Variants in CYP27C1 observed in about 807,000 individuals in gnomAD.
The protein encoded by CYP27C1 is cytochrome P450 27C1.
In CYP27C1, 29 loss-of-function variants were observed where a neutral mutation model predicts 40.6. The ratio of observed to expected loss-of-function variants is 0.71; its 90% CI spans 0.53 to 0.97. CYP27C1 has a LOEUF of 0.97. Ranked by LOEUF, CYP27C1 falls within the 50% of genes least tolerant of loss-of-function variation. The pLI, the probability that CYP27C1 is intolerant of heterozygous loss-of-function variation, is 0.00. For missense variants in CYP27C1, 390 were observed against 485.8 expected, an observed-to-expected ratio of 0.80 and a Z score of 1.85; for synonymous variants, 198 against 186.8, an observed-to-expected ratio of 1.06 and a Z score of -0.49.
At chr2:127,204,625 G>GAGAGAAAGAAAGAAAGA (rs1683183788) in intron 2 of CYP27C1, among the ~76,000 whole-genome samples, 1 of 94,216 alleles carries the variant, frequency 1.1e-5, no homozygotes, top group African/African-American at 4.2e-5. Context: ...AAGAAAGAAA[G>GAGAGAAAGAAAGAAAGA]AAGACTGCAG....
chr2:127,208,148 A>T lies in CYP27C1; in HGVS notation c.283-2058T>A, dbSNP rs1021991540. Among the ~76,000 whole-genome samples, 1 of 152,198 alleles carries T rather than the reference A, an allele frequency of 6.6e-6. No homozygotes were observed. The highest frequency in any genetic ancestry group is 2.4e-5 in the African/African-American group (1 of 41,462). ...AGAGGCTCCCATCAAAAAAAACATA[A>T]TAAGCATGTGAAACCTTCCCTGGCA... On this transcript the variant is annotated intron_variant, in intron 1 of 8. Transcript: ENST00000664447. This position sits in a 1 kb window ranked among gnomAD's most constrained non-coding sequence, Gnocchi z 5.2.
intron 1 of CYP27C1, among the ~76,000 whole-genome samples, chr2:127,211,369 G>GTTTTTTTTTTTTT (rs371826841): frequency 2.3e-4 from 22 of 94,938 alleles, no homozygotes; most frequent in African/African-American, 5.2e-4. Context: ...GTGTTTTTTT[G>GTTTTTTTTTTTTT]TTTTTTTTTT....
At chr2:127,189,847 C>T (rs1181194860) in intron 8 of CYP27C1, among the ~76,000 whole-genome samples, 3 of 152,178 alleles carry the variant, frequency 2.0e-5, no homozygotes, top group East Asian at 3.9e-4. Context: ...ATACATTCAG[C>T]CTGCCAACTG....
In CYP27C1 at chr2:127,187,729, G is replaced by T. The variant is rs73953279; in HGVS notation, c.1498-342C>A. 8.4e-3 allele frequency among the ~76,000 whole-genome samples: 1,276 copies of T among 152,292 alleles called. 10 individuals carry two copies. Among genetic ancestry groups the T allele is most frequent in the African/African-American group, 0.029 (1,202 of 41,552 alleles). ...TCCATTGCAGGTCTAGATGAAGAAG[G>T]CATCAAAGGAGCAGGGGGAAATGCG... On this transcript the variant is annotated intron_variant, in intron 8 of 8. Coordinates refer to ENST00000664447, the MANE Select transcript of CYP27C1 (RefSeq NM_001367502.1).
rs1006096127 is a variant in CYP27C1, at chr2:127,183,859, C to T, written c.*3412G>A. 2.6e-5 allele frequency among the ~76,000 whole-genome samples: 4 copies of T among 152,154 alleles called. No homozygotes were observed. The highest frequency in any genetic ancestry group is 1.3e-4 in the Admixed American group (2 of 15,276). The stretch of plus-strand genomic sequence containing the variant: ...TTGTTTCTGAAGGCATCTTTTATTA[C>T]GGAAATGTTCACACGTACACAAAGT... On this transcript the variant is annotated 3_prime_UTR_variant, in exon 9 of 9. Transcript: ENST00000664447. This position sits in a 1 kb window ranked among gnomAD's most constrained non-coding sequence, Gnocchi z 5.1.
At chr2:127,215,899 G>C (rs918649467) in intron 1 of CYP27C1, among the ~76,000 whole-genome samples, 7 of 151,956 alleles carry the variant, frequency 4.6e-5, no homozygotes, top group Non-Finnish European at 7.4e-5. Context: ...ACTGGACAAA[G>C]GATTTCAATG....
At chr2:127,193,906 C>T in intron 6 of CYP27C1, 39 bp from the exon 7 acceptor site, 2 of 1,608,794 alleles carry the variant, frequency 1.2e-6, no homozygotes, top group Non-Finnish European at 1.7e-6. Context: ...GGCGTGGTGA[C>T]TTTCACAGTA....
intron 2 of CYP27C1, among the ~76,000 whole-genome samples, chr2:127,204,552 AG>A (rs1558931361): frequency 5.3e-4 from 38 of 71,948 alleles, no homozygotes; most frequent in African/African-American, 1.9e-3. Flanking sequence ...AGAGAGAGAG[AG>A]AGAGAAAGAA....
intron 8 of CYP27C1, among the ~76,000 whole-genome samples, chr2:127,189,168 G>GCCCCCCCC (rs34707287): frequency 7.7e-5 from 10 of 129,194 alleles, no homozygotes; most frequent in African/African-American, 8.6e-5. Context: ...AAAAAACACT[G>GCCCCCCCC]CCCCCCCCCT....
At chr2:127,202,177 T>G (rs1683049546) in intron 3 of CYP27C1, among the ~76,000 whole-genome samples, 1 of 151,112 alleles carries the variant, frequency 6.6e-6, no homozygotes, top group Non-Finnish European at 1.5e-5. Flanking sequence ...CATGCTGGAG[T>G]ACAATTGTGT....
intron 1 of CYP27C1, among the ~76,000 whole-genome samples, chr2:127,213,881 A>G (rs1683379778): frequency 6.6e-6 from 1 of 152,236 alleles, no homozygotes; most frequent in Admixed American, 6.5e-5. Context: ...GGCAACCTAC[A>G]GAATGGGAGA....
At position 127,201,220 on chromosome 2, in the gene CYP27C1, G is replaced by T; in HGVS notation, c.785C>A (p.Thr262Asn). 1 of 1,613,780 alleles carries T rather than the reference G, an allele frequency of 6.2e-7. No homozygotes were observed. Among genetic ancestry groups the T allele is most frequent in the East Asian group, 2.2e-5 (1 of 44,818 alleles). The change falls in exon 4 of 9, where the codon ACC (threonine) becomes AAC (asparagine). Residue 262 changes from threonine (T) to asparagine (N), a missense_variant. Thr to Asn is a moderately conservative substitution (Grantham distance 65, BLOSUM62 0). Coordinates refer to ENST00000664447, the MANE Select transcript of CYP27C1 (RefSeq NM_001367502.1). The surrounding 1 kb of genome is among the most constrained non-coding windows in gnomAD (Gnocchi z 6.0). The part of the protein sequence containing the change: ...ALELMFSMFK[T>N]SMYAGAIPRW... ...GGGGATGGCGCCTGCATACATGGAG[G>T]TCTTGAACATGCTAAACATGAGCTC...
At position 127,203,527 on chromosome 2, in the gene CYP27C1, C is replaced by A; in HGVS notation, c.518G>T (p.Arg173Ile). ...WLKMRSVLRQRILKPKDVAIY... is the reference protein window; with the variant it reads ...WLKMRSVLRQIILKPKDVAIY... Reference sequence around the variant, plus strand: ...GGCCACATCTTTCGGTTTCAGAATTCTTTGTCTCAATACGCTTCTCATCTT... The same window carrying A: ...GGCCACATCTTTCGGTTTCAGAATTATTTGTCTCAATACGCTTCTCATCTT... Residue 173 changes from arginine (R) to isoleucine (I), a missense_variant, in exon 3 of 9, where the codon AGA becomes ATA. Coordinates refer to ENST00000664447, the MANE Select transcript of CYP27C1 (RefSeq NM_001367502.1). 1 of 1,614,042 alleles carries A rather than the reference C, an allele frequency of 6.2e-7. No homozygotes were observed. The highest frequency in any genetic ancestry group is 8.5e-7 in the Non-Finnish European group (1 of 1,180,014).
Position 127,196,336 on chromosome 2 carries a change from C to T in CYP27C1, c.1048-835G>A, listed in dbSNP as rs558237930. ...CGGGTCTCCCAAAGTGCTGGGATTA[C>T]AGGCGTGAGCCACCACGCCCGGTCA... On this transcript the variant is annotated intron_variant, in intron 5 of 8. Transcript: ENST00000664447. This position sits in a 1 kb window ranked among gnomAD's most constrained non-coding sequence, Gnocchi z 4.5. Among the ~76,000 whole-genome samples the T allele has an allele frequency of 2.0e-5, 3 of 152,278 alleles. No individual in the cohort carries two copies. The highest frequency in any genetic ancestry group is 2.0e-4 in the Admixed American group (3 of 15,280).
intron 5 of CYP27C1, among the ~76,000 whole-genome samples, chr2:127,197,038 T>C (rs980130248): frequency 8.5e-5 from 13 of 152,364 alleles, no homozygotes; most frequent in African/African-American, 3.1e-4. Flanking sequence ...ATTTGTTCCC[T>C]GGCTTCTATT....
intron 1 of CYP27C1, among the ~76,000 whole-genome samples, chr2:127,215,832 G>A (rs968959135): frequency 2.0e-5 from 3 of 151,584 alleles, no homozygotes; most frequent in African/African-American, 7.3e-5. Context: ...AGGGAGGGAG[G>A]GAGAGAGAGA....
At chr2:127,206,399 C>T (rs1361398251) in intron 1 of CYP27C1, among the ~76,000 whole-genome samples, 1 of 152,122 alleles carries the variant, frequency 6.6e-6, no homozygotes, top group Non-Finnish European at 1.5e-5. Context: ...GCCTCCAACT[C>T]CTGGGCCCAG....
At chr2:127,191,729 C>T (rs538959578) in intron 8 of CYP27C1, among the ~76,000 whole-genome samples, 132 of 152,344 alleles carry the variant, frequency 8.7e-4, no homozygotes, top group African/African-American at 3.0e-3. Flanking sequence ...GCCAAGGTCC[C>T]GGAGCCAGCA....
At chr2:127,211,361 G>GTTTTTTTGT in intron 1 of CYP27C1, among the ~76,000 whole-genome samples, 1 of 103,638 alleles carries the variant, frequency 9.6e-6, no homozygotes, top group South Asian at 3.7e-4. Context: ...CTAAAGCAGT[G>GTTTTTTTGT]TTTTTTTGTT....
Sources: gnomAD v4.1 joint callset for allele counts (sites outside exome capture counted in the v4.1 genomes callset) on GRCh38, gnomAD v4.1.1 for gene constraint, Gnocchi (gnomAD v3.1) non-coding constraint, MANE v1.5 for transcripts, NCBI Gene and HGNC (gene_info 2026-07-23, HGNC 2026-07-21) for gene names.